Variants in FGD3 observed in about 807,000 individuals in gnomAD.
The protein encoded by FGD3 is FYVE, RhoGEF and PH domain-containing protein 3.
Under a neutral mutation model 71.8 loss-of-function variants are expected in FGD3, and 45 were observed. The ratio of observed to expected loss-of-function variants is 0.63; its 90% CI spans 0.49 to 0.80. The LOEUF (loss-of-function observed/expected upper bound fraction) is 0.80, where lower values mean the gene tolerates loss of function less well. Among genes scored for constraint, FGD3 ranks in the 30% least tolerant of loss-of-function variants. The pLI is 0.00. For synonymous variants in FGD3, 378 were observed against 392.8 expected (o/e 0.96, Z 0.44); for missense variants, 844 against 951.5 (o/e 0.89, Z 1.49).
chr9:92,965,700 G>A (rs979977971), intron 1 of FGD3, among the ~76,000 whole-genome samples: 5 of 152,248 alleles, frequency 3.3e-5, no homozygotes, highest in Non-Finnish European at 5.9e-5. Context: ...ACCACTGTCC[G>A]AGGATGGGCC....
intron 14 of FGD3, among the ~76,000 whole-genome samples, chr9:93,025,850 G>A (rs1862095008): frequency 6.6e-6 from 1 of 152,204 alleles, no homozygotes; most frequent in Admixed American, 6.5e-5. Flanking sequence ...TGACAGGCCA[G>A]TGCCAGGGCC....
intron 3 of FGD3, among the ~76,000 whole-genome samples, chr9:93,000,111 T>C (rs1860808109): frequency 6.6e-6 from 1 of 152,106 alleles, no homozygotes; most frequent in East Asian, 1.9e-4. Context: ...TCTATAGATA[T>C]TTTATTTGTG....
Position 93,032,597 on chromosome 9 carries a change from C to T in FGD3, c.1681-172C>T, listed in dbSNP as rs117032666. The T allele has an allele frequency of 7.4e-4, 494 of 666,080 alleles. 4 individuals carry two copies. The East Asian group carries it at 0.012, about 16-fold the overall frequency. 41.3% of individuals were successfully genotyped at this position (666,080 alleles called of 1,614,324 possible). On this transcript the variant is annotated intron_variant, in intron 15 of 17. Transcript: ENST00000375482. ...CCAGCAGGGCCAGCCTTGCTCTCTG[C>T]CCTCAGACAGGGCTCCCCTCAAGGA...
chr9:92,973,742 G>C (rs1310495024), intron 1 of FGD3, among the ~76,000 whole-genome samples: 1 of 152,184 alleles, frequency 6.6e-6, no homozygotes, highest in Non-Finnish European at 1.5e-5. Context: ...CCTCACAGGT[G>C]GTTCTTTCTC....
In FGD3 at chr9:93,035,557, C is replaced by G; in HGVS notation, c.2146C>G (p.Leu716Val). ...TAQDSPGALQ[L>V]QVPMGAAAP ...CCAGGACAGCCCGGGGGCCCTGCAG[C>G]TTCAGGTCCCTATGGGCGCAGCTGC... Residue 716 changes from leucine (L) to valine (V), a missense_variant, in exon 18 of 18, where the codon CTT becomes GTT. Leu to Val is a conservative substitution (Grantham distance 32, BLOSUM62 1). Coordinates refer to ENST00000375482, the MANE Select transcript of FGD3 (RefSeq NM_001083536.2). 6.2e-7 allele frequency: 1 copy of G among 1,600,950 alleles called. No homozygotes were observed. Among genetic ancestry groups the G allele is most frequent in the Non-Finnish European group, 8.5e-7 (1 of 1,176,188 alleles).
chr9:93,019,910 A>C, intron 12 of FGD3, 49 bp downstream of exon 12: 1 of 1,601,238 alleles, frequency 6.2e-7, no homozygotes, highest in Non-Finnish European at 8.6e-7. Flanking sequence ...GTGATTGAGC[A>C]GTAAGGCCAT....
chr9:92,968,546 C>G (rs1040573543), intron 1 of FGD3, among the ~76,000 whole-genome samples: 3 of 152,074 alleles, frequency 2.0e-5, no homozygotes, highest in Non-Finnish European at 2.9e-5. Context: ...TCTGGGCTTC[C>G]AGGCACCGCT....
intron 6 of FGD3, among the ~76,000 whole-genome samples, chr9:93,009,198 G>A (rs890615407): frequency 1.3e-5 from 2 of 152,096 alleles, no homozygotes; most frequent in African/African-American, 4.8e-5. Context: ...GGGAGGCGGA[G>A]GTTGCAGTGA....
chr9:92,965,500 G>A (rs1859288395), intron 1 of FGD3, among the ~76,000 whole-genome samples: 1 of 152,228 alleles, frequency 6.6e-6, no homozygotes, highest in South Asian at 2.1e-4. Flanking sequence ...CAGCTGGGCT[G>A]TTACAGGAGG....
At chr9:92,987,611 G>A (rs920706220) in intron 3 of FGD3, among the ~76,000 whole-genome samples, 3 of 152,122 alleles carry the variant, frequency 2.0e-5, no homozygotes, top group Non-Finnish European at 4.4e-5. Context: ...AGAGATTCAT[G>A]TGCTCCGTTT....
At chr9:93,007,830 G>A (rs1861131080) in intron 6 of FGD3, among the ~76,000 whole-genome samples, 2 of 152,146 alleles carry the variant, frequency 1.3e-5, no homozygotes, top group South Asian at 4.1e-4. Flanking sequence ...TTCACACATT[G>A]GGTGCACCCA....
chr9:92,980,451 A>G (rs1859944743), intron 3 of FGD3, among the ~76,000 whole-genome samples: 1 of 152,078 alleles, frequency 6.6e-6, no homozygotes, highest in Admixed American at 6.6e-5. Context: ...GTATATAGAT[A>G]TCTCTATAGG....
intron 6 of FGD3, 49 bp from the exon 7 acceptor site, chr9:93,010,197 A>G: frequency 6.5e-7 from 1 of 1,548,048 alleles, no homozygotes; most frequent in Non-Finnish European, 8.8e-7. Flanking sequence ...TGGGGCTGGC[A>G]TCCACACACG....
At chr9:93,012,518 C>G (rs1190928846) in intron 8 of FGD3, among the ~76,000 whole-genome samples, 2 of 152,196 alleles carry the variant, frequency 1.3e-5, no homozygotes, top group African/African-American at 4.8e-5. Flanking sequence ...GGCGTGGTGG[C>G]TCATGGCTGT....
chr9:92,970,872 G>A (rs1445554325), intron 1 of FGD3, among the ~76,000 whole-genome samples: 4 of 152,248 alleles, frequency 2.6e-5, no homozygotes, highest in African/African-American at 9.6e-5. Context: ...GTTGCTGCTG[G>A]CAAAAGCCTT....
In FGD3 at chr9:93,020,319, C is replaced by A; in HGVS notation, c.1389C>A (p.Ile463=). The change falls in exon 13 of 18, where the codon ATC becomes ATA. Residue 463 remains isoleucine, a splice_region_variant and synonymous_variant. Coordinates refer to ENST00000375482, the MANE Select transcript of FGD3 (RefSeq NM_001083536.2). ...CACTGTTGTGTTGCTGTGTCCAGAT[C>A]ATCCAGGCCACCATCGAGAAGCACA... ...TEEEKKEWIQ[I]IQATIEKHKQ... is the part of the protein sequence containing the mutation. 4.3e-6 allele frequency: 7 copies of A among 1,610,486 alleles called. No individual in the cohort carries two copies. Among genetic ancestry groups the A allele is most frequent in the Non-Finnish European group, 5.9e-6 (7 of 1,178,462 alleles).
chr9:92,968,126 G>A (rs983898922), intron 1 of FGD3, among the ~76,000 whole-genome samples: 1 of 152,122 alleles, frequency 6.6e-6, no homozygotes, highest in African/African-American at 2.4e-5. Context: ...AAAAGCTGCC[G>A]CATCCTTGGG....
At chr9:92,980,297 G>A (rs891236164) in intron 3 of FGD3, among the ~76,000 whole-genome samples, 1 of 152,172 alleles carries the variant, frequency 6.6e-6, no homozygotes, top group Admixed American at 6.5e-5. Flanking sequence ...TGGGATTACA[G>A]GTGTGAGTCA....
chr9:92,949,215 G>GGACT (rs1172774268), intron 1 of FGD3, among the ~76,000 whole-genome samples: 3 of 152,168 alleles, frequency 2.0e-5, no homozygotes, highest in Non-Finnish European at 4.4e-5. Context: ...GCCTGGAAAG[G>GGACT]GGAGCAGTGT....
Sources: gnomAD v4.1 joint callset for allele counts (sites outside exome capture counted in the v4.1 genomes callset) on GRCh38, gnomAD v4.1.1 for gene constraint, MANE v1.5 for transcripts, NCBI Gene and HGNC (gene_info 2026-07-23, HGNC 2026-07-21) for gene names.